The following CSMD2 variants were observed in gnomAD, a reference collection of about 807,000 sequenced individuals.
CSMD2 encodes CUB and sushi domain-containing protein 2.
CSMD2 carries 130 observed loss-of-function variants against 398.5 expected under a neutral mutation model. That is an observed-to-expected ratio of 0.33 (90% CI 0.28 to 0.38). The LOEUF is 0.38. Ranked by LOEUF, CSMD2 falls within the 10% of genes least tolerant of loss-of-function variation. The pLI is 1.00. For synonymous variants in CSMD2, 1,828 were observed against 1,908.5 expected (o/e 0.96, Z 1.10); for missense variants, 3,829 against 4,764.9 (o/e 0.80, Z 5.78).
intron 28 of CSMD2, 94 bp downstream of exon 28, chr1:33,652,229 C>T: frequency 7.4e-7 from 1 of 1,352,026 alleles, no homozygotes; most frequent in Non-Finnish European, 1.0e-6. Flanking sequence ...GAGAACTCTG[C>T]TACAGACCTG....
chr1:33,641,417 C>T (rs1643102301), intron 29 of CSMD2, among the ~76,000 whole-genome samples: 1 of 152,186 alleles, frequency 6.6e-6, no homozygotes, highest in Non-Finnish European at 1.5e-5. Flanking sequence ...GAATAAAGGT[C>T]CTTCCACCCC....
intron 44 of CSMD2, among the ~76,000 whole-genome samples, chr1:33,594,947 C>A (rs1422374475): frequency 3.9e-5 from 6 of 152,168 alleles, no homozygotes; most frequent in African/African-American, 1.4e-4. Flanking sequence ...GCAAGTAAGT[C>A]GCCAACATGT....
At chr1:33,629,243 C>T (rs1642319737) in intron 32 of CSMD2, among the ~76,000 whole-genome samples, 1 of 152,014 alleles carries the variant, frequency 6.6e-6, no homozygotes, top group Non-Finnish European at 1.5e-5. Flanking sequence ...ACTACTATAA[C>T]ATTAATATAA....
At chr1:33,657,549 C>T (rs1251126207) in intron 27 of CSMD2, among the ~76,000 whole-genome samples, 1 of 152,202 alleles carries the variant, frequency 6.6e-6, no homozygotes, top group African/African-American at 2.4e-5. Flanking sequence ...CTTTTCTTTA[C>T]ATTCTGAGGC....
intron 5 of CSMD2, among the ~76,000 whole-genome samples, chr1:33,893,729 G>A (rs1246466782): frequency 6.6e-6 from 1 of 152,252 alleles, no homozygotes; most frequent in Non-Finnish European, 1.5e-5. Flanking sequence ...ACAGCAGACT[G>A]TCTTGCATTC....
chr1:33,628,751 G>C (rs1408198968), intron 32 of CSMD2, among the ~76,000 whole-genome samples: 10 of 151,518 alleles, frequency 6.6e-5, no homozygotes, highest in Non-Finnish European at 1.5e-4. Context: ...TTTGCCAAGT[G>C]CAAGGTAGAA....
intron 25 of CSMD2, among the ~76,000 whole-genome samples, chr1:33,668,772 C>G (rs188481605): frequency 6.6e-6 from 1 of 152,252 alleles, no homozygotes; most frequent in East Asian, 1.9e-4. Flanking sequence ...GTGTGCGTTT[C>G]TTTGGACCAC....
chr1:34,045,450 T>C (rs551165864), intron 2 of CSMD2, among the ~76,000 whole-genome samples: 9 of 152,362 alleles, frequency 5.9e-5, no homozygotes, highest in African/African-American at 1.9e-4. Context: ...ATTAGCTAGA[T>C]ATCTGCTGAA....
At chr1:34,138,555 T>G (rs986131976) in intron 1 of CSMD2, among the ~76,000 whole-genome samples, 3 of 152,260 alleles carry the variant, frequency 2.0e-5, no homozygotes, top group African/African-American at 7.2e-5. Context: ...GTTGGCCACT[T>G]ATTTCATTTT....
intron 10 of CSMD2, among the ~76,000 whole-genome samples, chr1:33,801,319 G>A (rs1165503625): frequency 6.6e-6 from 1 of 152,178 alleles, no homozygotes; most frequent in Non-Finnish European, 1.5e-5. Flanking sequence ...TGTTCATACT[G>A]AGAAGCTGCA....
chr1:33,635,403 C>A lies in CSMD2; in HGVS notation c.4970-73G>T. 1.1e-6 allele frequency: 1 copy of A among 916,304 alleles called. No homozygotes were observed. Among genetic ancestry groups the A allele is most frequent in the South Asian group, 1.5e-5 (1 of 66,944 alleles). The allele number at this position is 916,304 out of a possible 1,614,324, so 56.8% of individuals were successfully genotyped here. On this transcript the variant is annotated intron_variant, in intron 30 of 70. Transcript: ENST00000373381. This position sits in a 1 kb window ranked among gnomAD's most constrained non-coding sequence, Gnocchi z 5.0. Reference sequence around the variant, plus strand: ...ACCAGTGACCATCCTCTGTTCTGCCCCAGCCTGAGCTTCTGGCCCCAGTAG... The same window carrying A: ...ACCAGTGACCATCCTCTGTTCTGCCACAGCCTGAGCTTCTGGCCCCAGTAG...
At chr1:33,928,708 C>T (rs931055918) in intron 4 of CSMD2, among the ~76,000 whole-genome samples, 4 of 152,142 alleles carry the variant, frequency 2.6e-5, no homozygotes, top group African/African-American at 7.2e-5. Context: ...GCTAGTTATC[C>T]CAGTAGCAGT....
intron 12 of CSMD2, among the ~76,000 whole-genome samples, chr1:33,783,069 G>A (rs562958192): frequency 3.2e-4 from 49 of 152,048 alleles, no homozygotes; most frequent in Non-Finnish European, 5.1e-4. Flanking sequence ...AGTGGGATGC[G>A]GAAAACTGAC....
chr1:33,628,368 G>C (rs976293889), intron 32 of CSMD2, among the ~76,000 whole-genome samples: 1 of 151,964 alleles, frequency 6.6e-6, no homozygotes, highest in African/African-American at 2.4e-5. Context: ...GAAATTGAAG[G>C]AGAAAAAAAA....
At chr1:33,948,686 T>A (rs79470015) in intron 3 of CSMD2, among the ~76,000 whole-genome samples, 1 of 152,198 alleles carries the variant, frequency 6.6e-6, no homozygotes, top group East Asian at 1.9e-4. Context: ...TGCACAGGTA[T>A]CTCTTTATAC....
At chr1:33,547,023 T>G (rs562748289) in intron 56 of CSMD2, among the ~76,000 whole-genome samples, 1 of 152,300 alleles carries the variant, frequency 6.6e-6, no homozygotes, top group South Asian at 2.1e-4. Flanking sequence ...CACAAAGAAA[T>G]GATAAATATT....
At chr1:33,788,334 C>T (rs530618169) in intron 12 of CSMD2, among the ~76,000 whole-genome samples, 1 of 151,932 alleles carries the variant, frequency 6.6e-6, no homozygotes, top group African/African-American at 2.4e-5. Context: ...ATGGTGAGAC[C>T]CCGTCTCTAC....
At chr1:33,588,251 T>C (rs1466135980) in intron 44 of CSMD2, among the ~76,000 whole-genome samples, 1 of 152,218 alleles carries the variant, frequency 6.6e-6, no homozygotes, top group Non-Finnish European at 1.5e-5. Context: ...TTGAAATAAC[T>C]TCATAGGATT....
At chr1:34,120,317 A>G (rs549028483) in intron 1 of CSMD2, among the ~76,000 whole-genome samples, 4 of 152,306 alleles carry the variant, frequency 2.6e-5, no homozygotes, top group South Asian at 2.1e-4. Context: ...TTGTTGCTCA[A>G]TGGGTGTAGC....
Sources: allele counts gnomAD v4.1 joint callset (sites outside exome capture counted in the v4.1 genomes callset), GRCh38; gene constraint gnomAD v4.1.1; non-coding constraint Gnocchi (gnomAD v3.1); transcripts MANE v1.5; gene names NCBI Gene and HGNC (gene_info 2026-07-23, HGNC 2026-07-21).